UBFD1: variants seen among roughly 807,000 people sequenced by gnomAD.
The protein encoded by UBFD1 is ubiquitin domain-containing protein UBFD1.
In UBFD1, 12 loss-of-function variants were observed where a neutral mutation model predicts 35.1. The observed-to-expected ratio is 0.34, with a 90% CI of 0.22 to 0.55. The LOEUF is 0.55. Ranked by LOEUF, UBFD1 falls within the 20% of genes least tolerant of loss-of-function variation. UBFD1 has a pLI of 0.89. For missense variants in UBFD1, 337 were observed against 410.8 expected (o/e 0.82, Z 1.55); for synonymous variants, 178 against 167.6 (o/e 1.06, Z -0.48).
intron 2 of UBFD1, 57 bp from the exon 3 acceptor site, chr16:23,559,411 C>T: frequency 6.8e-7 from 1 of 1,479,146 alleles, no homozygotes; most frequent in Non-Finnish European, 9.3e-7. Context: ...TGTGTAGTAT[C>T]CATACATTTT....
rs972648557 is a variant in UBFD1, at chr16:23,572,946, C to T, written c.*2356C>T. 3.9e-5 allele frequency: 6 copies of T among 152,204 alleles called. No homozygotes were observed. Among genetic ancestry groups the T allele is most frequent in the African/African-American group, 1.4e-4 (6 of 41,450 alleles). 9.4% of individuals were successfully genotyped at this position (152,204 alleles called of 1,614,324 possible). On this transcript the variant is annotated 3_prime_UTR_variant, in exon 7 of 7. Transcript: ENST00000395878. ...GACGCTCTCGGGAGAGCAGACATAG[C>T]ACCAGAAGCCACTGGGAGAAGTGTT... is the stretch of plus-strand genomic sequence containing the variant.
chr16:23,559,141 G>A (rs147896972), intron 2 of UBFD1: 3 of 212,802 alleles, frequency 1.4e-5, no homozygotes, highest in South Asian at 1.5e-4. Context: ...CACTTAATAT[G>A]TGAATGATTT....
chr16:23,568,959 G>T (rs1165303433), intron 6 of UBFD1: 1 of 152,262 alleles, frequency 6.6e-6, no homozygotes, highest in Admixed American at 6.5e-5. Flanking sequence ...TTTTCAAGCA[G>T]TGTGGTGGTA....
At chr16:23,562,128 C>A in intron 3 of UBFD1, 78 bp from the exon 4 acceptor site, 1 of 1,356,266 alleles carries the variant, frequency 7.4e-7, no homozygotes, top group Non-Finnish European at 1.0e-6. Flanking sequence ...AGGCTTTCTT[C>A]ATCCTCTCTT....
At chr16:23,561,974 G>C in intron 3 of UBFD1, 1 of 438,396 alleles carries the variant, frequency 2.3e-6, no homozygotes, top group South Asian at 5.6e-5. Flanking sequence ...CATTTCAAGT[G>C]TGTAATAGTC....
chr16:23,574,149 T>G lies in UBFD1; in HGVS notation c.*3559T>G, dbSNP rs971642400. 6.6e-5 allele frequency: 10 copies of G among 152,284 alleles called. No individual in the cohort carries two copies. Among genetic ancestry groups the G allele is most frequent in the African/African-American group, 2.4e-4 (10 of 41,306 alleles). The allele number at this position is 152,284 out of a possible 1,614,324, so 9.4% of individuals were successfully genotyped here. ...CTGCTTTCTCAATTTCTAAGAACCTTTTTTTTTTCTTAAAGAGTTCTGCTG... is the reference window on the plus strand; with the variant it reads ...CTGCTTTCTCAATTTCTAAGAACCTGTTTTTTTTCTTAAAGAGTTCTGCTG... On this transcript the variant is annotated 3_prime_UTR_variant, in exon 7 of 7. Transcript: ENST00000395878.
chr16:23,563,631 T>C (rs1965970073), intron 5 of UBFD1, among the ~76,000 whole-genome samples: 1 of 152,208 alleles, frequency 6.6e-6, no homozygotes, highest in Admixed American at 6.5e-5. Context: ...TTATCCTGGG[T>C]ACCCGTGCTC....
chr16:23,570,386 A>G (rs1056937776), intron 6 of UBFD1, 94 bp from the exon 7 acceptor site: 1 of 889,048 alleles, frequency 1.1e-6, no homozygotes, highest in Non-Finnish European at 1.8e-6. Flanking sequence ...TCCCTTTTTA[A>G]TTAACTCACA....
chr16:23,560,637 T>C (rs1037875897), intron 3 of UBFD1, among the ~76,000 whole-genome samples: 5 of 152,184 alleles, frequency 3.3e-5, no homozygotes, highest in African/African-American at 4.8e-5. Flanking sequence ...CAGCAAAACC[T>C]GACCAGAATT....
chr16:23,563,078 ATT>A (rs545287840), intron 5 of UBFD1, among the ~76,000 whole-genome samples: 257 of 139,286 alleles, frequency 1.8e-3, no homozygotes, highest in South Asian at 6.7e-3. Flanking sequence ...CACTAATCTG[ATT>A]TTTTTTTTTT....
chr16:23,567,353 G>A (rs911980388), intron 6 of UBFD1, among the ~76,000 whole-genome samples: 5 of 152,170 alleles, frequency 3.3e-5, no homozygotes, highest in Non-Finnish European at 1.5e-5. Context: ...CTCTTGTCGT[G>A]TGTTGTTTCT....
chr16:23,563,875 T>C (rs1380152358), intron 5 of UBFD1, among the ~76,000 whole-genome samples: 2 of 152,218 alleles, frequency 1.3e-5, no homozygotes, highest in African/African-American at 2.4e-5. Context: ...TCCTTGTTAT[T>C]AATAAAATCT....
rs571719341 is a variant in UBFD1 at position 23,562,192 on chromosome 16, C to T, written c.565-14C>T. On this transcript the variant is annotated splice_polypyrimidine_tract_variant and intron_variant, in intron 3 of 6. Transcript: ENST00000395878. Reference sequence around the variant, plus strand: ...AGTCAGCTGTTTCATTTCATTCTCTCTTCTGACTTATAGCAACACAGGAAA... The same window carrying T: ...AGTCAGCTGTTTCATTTCATTCTCTTTTCTGACTTATAGCAACACAGGAAA... 118 of 1,612,318 alleles carry T rather than the reference C, an allele frequency of 7.3e-5. 1 individual carries two copies. The South Asian group carries it at 1.3e-3, about 17-fold the overall frequency.
At chr16:23,559,201 CA>C (rs1965889172) in intron 2 of UBFD1, 8 of 327,028 alleles carry the variant, frequency 2.4e-5, no homozygotes, top group South Asian at 2.4e-4. Flanking sequence ...ACTTACTGAA[CA>C]ATTATTCAAT....
Position 23,570,841 on chromosome 16 carries a change from C to G in UBFD1, c.*251C>G. 3.2e-6 allele frequency: 1 copy of G among 311,796 alleles called. No homozygotes were observed. The allele number at this position is 311,796 out of a possible 1,614,324, so 19.3% of individuals were successfully genotyped here. A position where few individuals can be genotyped will look rare whatever the true frequency, so the allele number is the denominator to read the frequency against. Reference sequence around the variant, plus strand: ...TTTTTAAAGTCAATACGATGGAAATCAATAAATCTGAATTCCGAACATGTT... The same window carrying G: ...TTTTTAAAGTCAATACGATGGAAATGAATAAATCTGAATTCCGAACATGTT... On this transcript the variant is annotated 3_prime_UTR_variant, in exon 7 of 7. Coordinates refer to ENST00000395878, the MANE Select transcript of UBFD1 (RefSeq NM_019116.3).
In UBFD1 at chr16:23,565,110, A is replaced by G. The variant is rs1965991906; in HGVS notation, c.737-1877A>G. On this transcript the variant is annotated intron_variant, in intron 5 of 6. Transcript: ENST00000395878. ...CCAGTCCTGTTACCTAAGTGTCATA[A>G]GCACTCATAAGAGGACAGCTTGTTC... is the stretch of plus-strand genomic sequence containing the variant. The G allele has an allele frequency of 1.3e-5, 2 of 152,236 alleles. 1 individual carries two copies. The highest frequency in any genetic ancestry group is 3.9e-4 in the East Asian group (2 of 5,194). The allele number at this position is 152,236 out of a possible 1,614,324, so 9.4% of individuals were successfully genotyped here. A position where few individuals can be genotyped will look rare whatever the true frequency, so the allele number is the denominator to read the frequency against.
chr16:23,568,830 CAAACAAAAAAACA>C (rs1340275580), intron 6 of UBFD1: 1 of 151,552 alleles, frequency 6.6e-6, no homozygotes, highest in East Asian at 2.0e-4. Context: ...TCTCAAAAAA[CAAACAAAAAAACA>C]AAACAAAAAA....
At chr16:23,559,120 CTG>C in intron 2 of UBFD1, 1 of 191,424 alleles carries the variant, frequency 5.2e-6, no homozygotes, top group Non-Finnish European at 1.1e-5. Context: ...GCTCTGATGC[CTG>C]TGGATTCTCA....
intron 3 of UBFD1, chr16:23,561,577 A>G (rs1350299010): frequency 1.3e-5 from 2 of 152,236 alleles, no homozygotes; most frequent in South Asian, 2.1e-4. Flanking sequence ...TCTTTCTGAA[A>G]GGTGGCTCTT....
Sources: gnomAD v4.1 joint callset for allele counts (sites outside exome capture counted in the v4.1 genomes callset) on GRCh38, gnomAD v4.1.1 for gene constraint, MANE v1.5 for transcripts, NCBI Gene and HGNC (gene_info 2026-07-23, HGNC 2026-07-21) for gene names.